Variants in NCALD observed in about 807,000 individuals in gnomAD.
NCALD encodes neurocalcin delta.
A neutral mutation model predicts 18.6 loss-of-function variants in NCALD; 10 were observed. The ratio of observed to expected loss-of-function variants is 0.54; its 90% CI spans 0.33 to 0.91. The LOEUF (loss-of-function observed/expected upper bound fraction) is 0.91. Among genes scored for constraint, NCALD ranks in the 40% least tolerant of loss-of-function variants. The pLI, the probability that NCALD is intolerant of heterozygous loss-of-function variation, is 0.03. For missense variants in NCALD, 184 were observed against 247.6 expected (o/e 0.74, Z 1.72); for synonymous variants, 88 against 87.4 (o/e 1.01, Z -0.04).
Position 101,869,892 on chromosome 8 carries a change from A to G in NCALD, c.-20+17249T>C, listed in dbSNP as rs935335152. On this transcript the variant is annotated intron_variant, in intron 4 of 6. Coordinates refer to the NCALD transcript ENST00000311028. Reference sequence around the variant, plus strand: ...TAATTTAATCCAATCATGATAAACTAGATGCAAGCAAGAAAAATATTTTAT... The same window carrying G: ...TAATTTAATCCAATCATGATAAACTGGATGCAAGCAAGAAAAATATTTTAT... Among the ~76,000 whole-genome samples the G allele has an allele frequency of 3.3e-5, 5 of 152,208 alleles. No homozygotes were observed. The South Asian group carries it at 6.2e-4, about 19-fold the overall frequency.
chr8:101,693,737 G>A (rs1814855949), intron 2 of NCALD: 1 of 152,124 alleles, frequency 6.6e-6, no homozygotes, highest in Non-Finnish European at 1.5e-5. Flanking sequence ...GACTCCTCAA[G>A]GATGACAGAC....
intron 4 of NCALD, among the ~76,000 whole-genome samples, chr8:101,860,312 A>G (rs1282953925): frequency 6.6e-6 from 1 of 152,204 alleles, no homozygotes; most frequent in African/African-American, 2.4e-5. Context: ...AAGGCCATGG[A>G]GGACATCCAA....
intron 1 of NCALD, among the ~76,000 whole-genome samples, chr8:102,119,276 G>A (rs1251354538): frequency 1.3e-5 from 2 of 152,138 alleles, no homozygotes; most frequent in South Asian, 2.1e-4. Context: ...GTTACAACAC[G>A]GATGATCTCT....
chr8:101,700,242 T>G lies in NCALD; in HGVS notation c.379-7346A>C, dbSNP rs898204527. ...CGCCCAGTTAATTTTTTAAAAAATA[T>G]TTGTAGAGATGGGGTTTCTCTATGT... On this transcript the variant is annotated intron_variant, in intron 2 of 3. Coordinates refer to ENST00000220931, the MANE Select transcript of NCALD (RefSeq NM_032041.3). Among the ~76,000 whole-genome samples the G allele has an allele frequency of 4.0e-5, 6 of 151,854 alleles. No homozygotes were observed. In the East Asian group the frequency reaches 1.2e-3, roughly 29 times the overall value.
chr8:101,869,949 G>A (rs1045302243), intron 4 of NCALD, among the ~76,000 whole-genome samples: 4 of 152,118 alleles, frequency 2.6e-5, no homozygotes, highest in African/African-American at 9.7e-5. Context: ...TTTTTGACAA[G>A]CTTCAAACCA....
intron 4 of NCALD, among the ~76,000 whole-genome samples, chr8:101,879,577 C>G (rs775845645): frequency 6.6e-6 from 1 of 152,166 alleles, no homozygotes; most frequent in Non-Finnish European, 1.5e-5. Flanking sequence ...GGGACCTCAA[C>G]GGGTTACAAC....
chr8:102,097,414 C>T (rs1286318403), intron 1 of NCALD, among the ~76,000 whole-genome samples: 1 of 152,224 alleles, frequency 6.6e-6, no homozygotes, highest in Non-Finnish European at 1.5e-5. Context: ...CACCCAGTTC[C>T]AACCACGCGG....
At chr8:102,009,707 T>C (rs1586917922) in intron 2 of NCALD, among the ~76,000 whole-genome samples, 1 of 152,222 alleles carries the variant, frequency 6.6e-6, no homozygotes, top group African/African-American at 2.4e-5. Flanking sequence ...GCCTGCAAGG[T>C]AGAAAATGTT....
At chr8:101,773,785 G>T (rs1177141142) in intron 1 of NCALD, among the ~76,000 whole-genome samples, 1 of 152,132 alleles carries the variant, frequency 6.6e-6, no homozygotes, top group Non-Finnish European at 1.5e-5. Flanking sequence ...GTTGGCCTAT[G>T]TACCTCCCAT....
intron 1 of NCALD, among the ~76,000 whole-genome samples, chr8:102,095,456 G>C (rs115677770): frequency 6.6e-6 from 1 of 152,182 alleles, no homozygotes; most frequent in Non-Finnish European, 1.5e-5. Flanking sequence ...ACTTGGACCT[G>C]TGTTTTGATT....
intron 1 of NCALD, chr8:102,123,800 C>T (rs1380776872): frequency 6.6e-6 from 1 of 152,282 alleles, no homozygotes; most frequent in Non-Finnish European, 1.5e-5. Context: ...GCCCGGGATC[C>T]AGCGGGTGCC....
intron 4 of NCALD, among the ~76,000 whole-genome samples, chr8:101,814,504 A>G (rs1219892077): frequency 1.3e-5 from 2 of 152,172 alleles, no homozygotes; most frequent in Admixed American, 6.6e-5. Context: ...GACAAAGAAT[A>G]TCTACAAAAA....
intron 2 of NCALD, among the ~76,000 whole-genome samples, chr8:102,016,240 C>T (rs13261834): frequency 6.6e-6 from 1 of 152,130 alleles, no homozygotes; most frequent in South Asian, 2.1e-4. Context: ...GAAACTCTCT[C>T]CCACACAAAA....
At chr8:102,083,792 T>C (rs1168998037) in intron 1 of NCALD, among the ~76,000 whole-genome samples, 1 of 152,358 alleles carries the variant, frequency 6.6e-6, no homozygotes, top group Middle Eastern at 3.4e-3. Context: ...CACCTAGCTG[T>C]TGCATAACTT....
At chr8:102,020,200 T>C (rs754927099) in intron 2 of NCALD, 5 of 152,200 alleles carry the variant, frequency 3.3e-5, no homozygotes, top group Non-Finnish European at 7.3e-5. Flanking sequence ...AGAAAAGTGT[T>C]GTTTACAAAC....
chr8:101,755,833 G>T (rs1057160785), intron 1 of NCALD, among the ~76,000 whole-genome samples: 2 of 152,194 alleles, frequency 1.3e-5, no homozygotes, highest in African/African-American at 4.8e-5. Context: ...GAATATGTAT[G>T]CATTGTGAAT....
intron 4 of NCALD, among the ~76,000 whole-genome samples, chr8:101,845,979 T>G (rs924628823): frequency 6.6e-6 from 1 of 152,250 alleles, no homozygotes; most frequent in Non-Finnish European, 1.5e-5. Flanking sequence ...CATAATGTTC[T>G]GCATCCATGT....
At chr8:102,096,888 T>C (rs143716695) in intron 1 of NCALD, among the ~76,000 whole-genome samples, 2 of 152,342 alleles carry the variant, frequency 1.3e-5, no homozygotes, top group Non-Finnish European at 2.9e-5. Flanking sequence ...TTGTTCAAAA[T>C]GCCAAGAACC....
chr8:101,984,009 T>G (rs1465188600), intron 2 of NCALD, among the ~76,000 whole-genome samples: 1 of 152,238 alleles, frequency 6.6e-6, no homozygotes, highest in Non-Finnish European at 1.5e-5. Flanking sequence ...CTGAATCACC[T>G]GCTCGAATAT....
Sources: allele counts gnomAD v4.1 joint callset (sites outside exome capture counted in the v4.1 genomes callset), GRCh38; gene constraint gnomAD v4.1.1; transcripts MANE v1.5; gene names NCBI Gene and HGNC (gene_info 2026-07-23, HGNC 2026-07-21).